Variants in ADAM22 observed in about 807,000 individuals in gnomAD.
The protein encoded by ADAM22 is disintegrin and metalloproteinase domain-containing protein 22.
ADAM22 carries 65 observed loss-of-function variants against 144.6 expected under a neutral mutation model. That is an observed-to-expected ratio of 0.45 (90% CI 0.37 to 0.55). ADAM22 has a LOEUF of 0.55. ADAM22 is among the 20% of genes least tolerant of loss of function. ADAM22 has a pLI of 0.00. For synonymous variants in ADAM22, 391 were observed against 412.6 expected, an observed-to-expected ratio of 0.95 and a Z score of 0.63; for missense variants, 974 against 1,184.9, an observed-to-expected ratio of 0.82 and a Z score of 2.61.
intron 3 of ADAM22, among the ~76,000 whole-genome samples, chr7:88,039,460 A>ATATAT (rs1383703118): frequency 1.3e-5 from 1 of 76,506 alleles, no homozygotes; most frequent in African/African-American, 5.2e-5. Context: ...AAAAAAAAAA[A>ATATAT]AAAAATATAT....
chr7:88,088,892 G>C (rs1228058712), intron 4 of ADAM22, among the ~76,000 whole-genome samples: 3 of 151,736 alleles, frequency 2.0e-5, no homozygotes, highest in Admixed American at 6.6e-5. Context: ...TTTGTCATTA[G>C]TGACAGAGTT....
chr7:88,094,310 TC>T (rs1168167877), intron 4 of ADAM22, among the ~76,000 whole-genome samples: 2 of 152,166 alleles, frequency 1.3e-5, no homozygotes, highest in African/African-American at 4.8e-5. Flanking sequence ...TGATATTATT[TC>T]CAAAGTTCAA....
At chr7:87,958,093 A>G (rs573211027) in intron 2 of ADAM22, among the ~76,000 whole-genome samples, 2 of 152,020 alleles carry the variant, frequency 1.3e-5, no homozygotes, top group South Asian at 2.1e-4. Flanking sequence ...TCATTTATTC[A>G]TTTTCCCATT....
intron 21 of ADAM22, among the ~76,000 whole-genome samples, chr7:88,153,916 T>C (rs1307011870): frequency 6.6e-6 from 1 of 152,238 alleles, no homozygotes; most frequent in Non-Finnish European, 1.5e-5. Context: ...CATTCCCTAG[T>C]GTACTACTAT....
At chr7:88,168,081 G>A in intron 24 of ADAM22, 56 bp from the exon 25 acceptor site, 1 of 1,473,150 alleles carries the variant, frequency 6.8e-7, no homozygotes, top group South Asian at 1.2e-5. Context: ...GAACAATAAA[G>A]TTTCTGAAAG....
intron 3 of ADAM22, among the ~76,000 whole-genome samples, chr7:88,062,031 CAG>C (rs770276900): frequency 1.3e-5 from 2 of 151,814 alleles, no homozygotes; most frequent in Non-Finnish European, 2.9e-5. Context: ...TTTGTAGAGA[CAG>C]GGTCCTGCTG....
intron 29 of ADAM22, among the ~76,000 whole-genome samples, chr7:88,185,068 C>T (rs562891752): frequency 6.6e-6 from 1 of 152,324 alleles, no homozygotes; most frequent in East Asian, 1.9e-4. Context: ...ATTCACTAGC[C>T]TTCATTTGTG....
chr7:87,963,553 A>G (rs577448578), intron 2 of ADAM22, among the ~76,000 whole-genome samples: 85 of 152,310 alleles, frequency 5.6e-4, no homozygotes, highest in South Asian at 2.7e-3. Flanking sequence ...AGCATGTCAA[A>G]TGTACAGAAT....
At chr7:87,946,587 G>A (rs1843716280) in intron 2 of ADAM22, among the ~76,000 whole-genome samples, 1 of 152,196 alleles carries the variant, frequency 6.6e-6, no homozygotes, top group African/African-American at 2.4e-5. Flanking sequence ...AGCTATCCCA[G>A]CATTGTTTAT....
In ADAM22 at chr7:88,186,634, A is replaced by C; in HGVS notation, c.2683A>C (p.Lys895Gln). Residue 895 changes from lysine (K) to glutamine (Q), a missense_variant, in exon 30 of 32, where the codon AAA becomes CAA. This residue lies in a region of ADAM22 where 734 missense variants were observed against 950.6 expected (regional missense o/e 0.77). Coordinates refer to ENST00000413139, the MANE Select transcript of ADAM22 (RefSeq NM_001324418.2). Reference sequence around the variant, plus strand: ...CTGCAGGTATTTAAACCCATGGTTCAAAAGAGACTATAATGTAGCTAAGTG... The same window carrying C: ...CTGCAGGTATTTAAACCCATGGTTCCAAAGAGACTATAATGTAGCTAAGTG... ...NSTEYLNPWFKRDYNVAKWVE... is the reference protein window; with the variant it reads ...NSTEYLNPWFQRDYNVAKWVE... The C allele has an allele frequency of 6.2e-7, 1 of 1,611,796 alleles. No homozygotes were observed. Among genetic ancestry groups the C allele is most frequent in the Non-Finnish European group, 8.5e-7 (1 of 1,177,892 alleles).
chr7:87,940,780 T>G (rs1842321547), intron 2 of ADAM22, among the ~76,000 whole-genome samples: 1 of 152,200 alleles, frequency 6.6e-6, no homozygotes. Flanking sequence ...CCTAGAATAT[T>G]CAAAATATTG....
chr7:88,152,772 G>A (rs1490316073), intron 20 of ADAM22, among the ~76,000 whole-genome samples: 3 of 151,926 alleles, frequency 2.0e-5, no homozygotes, highest in South Asian at 2.1e-4. Context: ...TCTGCCTCCC[G>A]GGTTCAAGCG....
chr7:88,125,157 C>T (rs1446049893), intron 7 of ADAM22, among the ~76,000 whole-genome samples: 1 of 151,894 alleles, frequency 6.6e-6, no homozygotes, highest in Non-Finnish European at 1.5e-5. Context: ...AAAAAATTAG[C>T]TCAAAACTTT....
intron 4 of ADAM22, among the ~76,000 whole-genome samples, chr7:88,088,032 TGGAG>T (rs1818871506): frequency 6.6e-6 from 1 of 152,068 alleles, no homozygotes; most frequent in African/African-American, 2.4e-5. Context: ...GTAAAGGAAT[TGGAG>T]AGAGTGCTGT....
chr7:88,163,343 G>T (rs1354453521), intron 23 of ADAM22, among the ~76,000 whole-genome samples, 163 bp downstream of exon 23: 1 of 151,912 alleles, frequency 6.6e-6, no homozygotes, highest in African/African-American at 2.4e-5. Context: ...TATTTCTGTT[G>T]TATAATCTGA....
intron 3 of ADAM22, among the ~76,000 whole-genome samples, chr7:88,021,496 T>G (rs1797820093): frequency 6.6e-6 from 1 of 152,198 alleles, no homozygotes; most frequent in Non-Finnish European, 1.5e-5. Context: ...TATACTCCAT[T>G]TTGTCCTTAA....
chr7:88,172,350 A>G lies in ADAM22; in HGVS notation c.2300+789A>G, dbSNP rs907043473. Among the ~76,000 whole-genome samples, 11 of 152,082 alleles carry G rather than the reference A, an allele frequency of 7.2e-5. No homozygotes were observed. The South Asian group carries it at 2.3e-3, about 31-fold the overall frequency. On this transcript the variant is annotated intron_variant, in intron 26 of 31. Coordinates refer to ENST00000413139, the MANE Select transcript of ADAM22 (RefSeq NM_001324418.2). The stretch of plus-strand genomic sequence containing the variant: ...GTTACTAGTGCTGTTAGCTATTGAT[A>G]AAAAATATTAAAATATTATCCTGGA...
chr7:87,985,357 A>G (rs2129450393), intron 3 of ADAM22, among the ~76,000 whole-genome samples: 1 of 152,160 alleles, frequency 6.6e-6, no homozygotes, highest in East Asian at 1.9e-4. Context: ...AAAGTCACCC[A>G]TTTCAAGTAT....
intron 3 of ADAM22, among the ~76,000 whole-genome samples, chr7:88,041,014 G>A (rs1329845646): frequency 6.6e-6 from 1 of 152,006 alleles, no homozygotes. Flanking sequence ...CTTTTTCCAG[G>A]CTAGCAGGAG....
Sources: gnomAD v4.1 joint callset for allele counts (sites outside exome capture counted in the v4.1 genomes callset) on GRCh38, gnomAD v4.1.1 for gene constraint, gnomAD v4.1.1 regional missense constraint, MANE v1.5 for transcripts, NCBI Gene and HGNC (gene_info 2026-07-23, HGNC 2026-07-21) for gene names.